Variants in AK9 observed in about 807,000 individuals in gnomAD.
AK9 encodes the protein adenylate kinase domain containing 1.
Under a neutral mutation model 239.6 loss-of-function variants are expected in AK9, and 191 were observed. The observed-to-expected ratio is 0.80, with a 90% CI of 0.71 to 0.90. The LOEUF is 0.90. AK9 is among the 40% of genes least tolerant of loss of function. The probability of loss-of-function intolerance (pLI) is 0.00; values close to 1 mark genes in which losing one functional copy is unlikely to be tolerated. For missense variants in AK9, 1,995 were observed against 2,214.7 expected, an observed-to-expected ratio of 0.90 and a Z score of 1.99; for synonymous variants, 689 against 721.0, an observed-to-expected ratio of 0.96 and a Z score of 0.71.
chr6:109,681,323 C>T (rs1772595212), intron 1 of AK9, among the ~76,000 whole-genome samples: 1 of 152,030 alleles, frequency 6.6e-6, no homozygotes, highest in African/African-American at 2.4e-5. Context: ...AGATTTGAAA[C>T]CAACAAAGAT....
chr6:109,614,804 TA>T (rs1245359867), intron 13 of AK9, among the ~76,000 whole-genome samples: 5 of 152,120 alleles, frequency 3.3e-5, no homozygotes, highest in East Asian at 3.8e-4. Flanking sequence ...ATTTTTATGT[TA>T]AAAAAACCTC....
rs759413344 is a variant in AK9, at chr6:109,585,136, CT to C, written c.2100del (p.Glu701LysfsTer12). The C allele has an allele frequency of 1.0e-5, 12 of 1,164,582 alleles. No homozygotes were observed. In the South Asian group the frequency reaches 2.4e-4, roughly 23 times the overall value. The allele number at this position is 1,164,582 out of a possible 1,614,324, so 72.1% of individuals were successfully genotyped here. A position where few individuals can be genotyped will look rare whatever the true frequency, so the allele number is the denominator to read the frequency against. On this transcript the variant is annotated frameshift_variant, in exon 19 of 41. Transcript: ENST00000424296. LOFTEE classifies it high-confidence loss of function. ...GGCAGATTTTACCTTGCTTCTTCTT[CT>C]TCTTTTTTTTTCTTTTGTAGTTCTT... Reference protein sequence around the residue: ...LLEELQKKKKEEEEARKATEE... With the variant: ...LLEELQKKKKXEEEARKATEE...
intron 1 of AK9, among the ~76,000 whole-genome samples, chr6:109,681,874 T>A (rs763906321): frequency 2.6e-5 from 4 of 152,140 alleles, no homozygotes; most frequent in African/African-American, 9.7e-5. Flanking sequence ...GAGATAAAGA[T>A]GTTCTTTGAA....
chr6:109,521,376 C>T (rs916123370), intron 29 of AK9, among the ~76,000 whole-genome samples: 3 of 151,962 alleles, frequency 2.0e-5, no homozygotes, highest in Admixed American at 6.6e-5. Context: ...ATTTTGTAAT[C>T]GAGTGCTTAT....
chr6:109,649,522 T>G (rs1229633145), intron 8 of AK9, among the ~76,000 whole-genome samples: 3 of 152,062 alleles, frequency 2.0e-5, no homozygotes, highest in Non-Finnish European at 4.4e-5. Context: ...GAATCCAACT[T>G]ACAAGGGATG....
chr6:109,615,051 A>G (rs1004355835), intron 13 of AK9, among the ~76,000 whole-genome samples: 9 of 152,208 alleles, frequency 5.9e-5, no homozygotes, highest in Non-Finnish European at 2.9e-5. Flanking sequence ...TCTATGATTT[A>G]ATGTTATAAT....
intron 17 of AK9, among the ~76,000 whole-genome samples, chr6:109,601,155 T>C (rs1791896182): frequency 2.0e-5 from 3 of 152,228 alleles, no homozygotes; most frequent in Non-Finnish European, 2.9e-5. Context: ...TCTAGTTCTT[T>C]TAAATGTGAT....
intron 3 of AK9, among the ~76,000 whole-genome samples, chr6:109,673,531 T>TTATATATATATATATATATATA (rs1771237422): frequency 6.6e-6 from 1 of 152,024 alleles, no homozygotes; most frequent in Non-Finnish European, 1.5e-5. Context: ...AAAAGAATAT[T>TTATATATATATATATATATATA]TATATATAAA....
At chr6:109,533,888 A>G (rs1781603605) in intron 27 of AK9, among the ~76,000 whole-genome samples, 2 of 152,220 alleles carry the variant, frequency 1.3e-5, no homozygotes, top group Admixed American at 6.5e-5. Flanking sequence ...GAAAAGAGAA[A>G]ATAAGTTCTC....
At chr6:109,569,847 T>A (rs1054877130) in intron 21 of AK9, among the ~76,000 whole-genome samples, 11 of 152,286 alleles carry the variant, frequency 7.2e-5, no homozygotes, top group African/African-American at 2.4e-4. Flanking sequence ...GTAAACTAGT[T>A]CAACCATTGT....
Position 109,509,289 on chromosome 6 carries a change from C to T in AK9, c.4371G>A (p.Glu1457=), listed in dbSNP as rs1778437466. 7 of 1,551,696 alleles carry T rather than the reference C, an allele frequency of 4.5e-6. No individual in the cohort carries two copies. The highest frequency in any genetic ancestry group is 2.0e-5 in the Admixed American group (1 of 50,984). The change falls in exon 33 of 41, where the codon GAG becomes GAA. Residue 1457 remains glutamate (E), a synonymous_variant. Coordinates refer to ENST00000424296, the MANE Select transcript of AK9 (RefSeq NM_001145128.3). ...GATGCCAATTTAACATAAGTGCCAG[C>T]TCTGTTTCCGGGTGATTGTTTAGTA... ...RYVLNNHPET[E]LALMLNWHLH... is the part of the protein sequence containing the mutation.
intron 17 of AK9, 83 bp from the exon 18 acceptor site, chr6:109,586,155 TAAAC>T (rs1789481436): frequency 1.3e-5 from 15 of 1,172,876 alleles, no homozygotes; most frequent in Middle Eastern, 2.0e-4. Flanking sequence ...TTGTGGATCT[TAAAC>T]AAGTATCTTT....
In AK9 at chr6:109,550,091, T is replaced by G. The variant is rs1184723980; in HGVS notation, c.2963A>C (p.Lys988Thr). ...EDYVAHEEPL[K>T]APPLRICLVG... ...ATTAAGATAGGAATACTGTCTCACC[T>G]TCAATGGTTCTTCATGAGCCACATA... The change falls in exon 25 of 41, where the codon AAG becomes ACG. Residue 988 changes from lysine (K) to threonine (T), a missense_variant and splice_region_variant. By Grantham distance (78) the Lys-to-Thr change is moderately conservative. This residue lies in a region of AK9 where 1,290 missense variants were observed against 1,392.7 expected (regional missense o/e 0.93). Coordinates refer to ENST00000424296, the MANE Select transcript of AK9 (RefSeq NM_001145128.3). 1.1e-5 allele frequency: 17 copies of G among 1,613,476 alleles called. No individual in the cohort carries two copies. The highest frequency in any genetic ancestry group is 2.7e-5 in the African/African-American group (2 of 74,876).
At position 109,622,313 on chromosome 6, in the gene AK9, A is replaced by G. The variant is rs565566695; in HGVS notation, c.1255-3077T>C. On this transcript the variant is annotated intron_variant, in intron 12 of 40. Coordinates refer to ENST00000424296, the MANE Select transcript of AK9 (RefSeq NM_001145128.3). ...TCTCCATATGTATACATACACATACATGTACATATATGTATATGTATATAC... is the reference window on the plus strand; with the variant it reads ...TCTCCATATGTATACATACACATACGTGTACATATATGTATATGTATATAC... 4.6e-4 allele frequency among the ~76,000 whole-genome samples: 66 copies of G among 143,582 alleles called. 2 individuals are homozygous for G. In the South Asian group the frequency reaches 0.014, roughly 30 times the overall value. The allele number at this position is 143,582 out of a possible 152,430, so 94.2% of individuals were successfully genotyped here. A position where few individuals can be genotyped will look rare whatever the true frequency, so the allele number is the denominator to read the frequency against.
intron 38 of AK9, 49 bp from the exon 39 acceptor site, chr6:109,495,489 T>A: frequency 7.3e-7 from 1 of 1,368,248 alleles, no homozygotes; most frequent in Non-Finnish European, 1.0e-6. Context: ...ATACTCAGTG[T>A]GTATAGATAG....
At chr6:109,512,537 T>TC (rs369008642) in intron 32 of AK9, among the ~76,000 whole-genome samples, 31 of 152,226 alleles carry the variant, frequency 2.0e-4, no homozygotes, top group African/African-American at 7.0e-4. Flanking sequence ...AATTATAGAC[T>TC]CTTTTGTCAT....
At chr6:109,579,723 A>G (rs1425894342) in intron 19 of AK9, 97 bp from the exon 20 acceptor site, 1 of 1,027,976 alleles carries the variant, frequency 9.7e-7, no homozygotes, top group African/African-American at 1.6e-5. Context: ...ATAAAGATTA[A>G]ATCTTATTAT....
At chr6:109,506,211 TAC>T in intron 35 of AK9, 114 bp downstream of exon 35, 3 of 868,956 alleles carry the variant, frequency 3.5e-6, no homozygotes, top group Non-Finnish European at 5.4e-6. Flanking sequence ...AGTATTGAAA[TAC>T]TTATTAAGTC....
At chr6:109,676,091 T>C (rs6911700) in intron 1 of AK9, among the ~76,000 whole-genome samples, 52,505 of 151,858 alleles carry the variant, frequency 0.35, 9,538 homozygotes, top group South Asian at 0.44. Flanking sequence ...ACATGCAACA[T>C]AGGTGCATGT....
Sources: allele counts gnomAD v4.1 joint callset (sites outside exome capture counted in the v4.1 genomes callset), GRCh38; gene constraint gnomAD v4.1.1; regional missense constraint gnomAD v4.1.1; transcripts MANE v1.5; gene names NCBI Gene and HGNC (gene_info 2026-07-23, HGNC 2026-07-21).